EXOC2: variants seen among roughly 807,000 people sequenced by gnomAD.
EXOC2 encodes SEC5-like 1.
Under a neutral mutation model 131.8 loss-of-function variants are expected in EXOC2, and 70 were observed. The ratio of observed to expected loss-of-function variants is 0.53; its 90% CI spans 0.44 to 0.65. EXOC2 has a LOEUF of 0.65. Ranked by LOEUF, EXOC2 falls within the 30% of genes least tolerant of loss-of-function variation. EXOC2 has a pLI of 0.00. For synonymous variants in EXOC2, 411 were observed against 398.4 expected (o/e 1.03, Z -0.38); for missense variants, 923 against 1,108.6 (o/e 0.83, Z 2.38).
intron 2 of EXOC2, among the ~76,000 whole-genome samples, chr6:636,951 C>A (rs1438738233): frequency 6.6e-6 from 1 of 152,118 alleles, no homozygotes; most frequent in African/African-American, 2.4e-5. Flanking sequence ...GTTTAAAGTT[C>A]TAGAGAGATT....
chr6:675,868 C>A (rs550907822), intron 1 of EXOC2, among the ~76,000 whole-genome samples: 3 of 51,102 alleles, frequency 5.9e-5, no homozygotes, highest in Non-Finnish European at 8.8e-5. Flanking sequence ...CTGGAGACTG[C>A]GGTTCCCCAT....
chr6:571,830 C>T (rs530108871), intron 13 of EXOC2, among the ~76,000 whole-genome samples: 2 of 152,260 alleles, frequency 1.3e-5, no homozygotes, highest in East Asian at 1.9e-4. Flanking sequence ...GGACAAAGGG[C>T]GTTAGAATCT....
At chr6:606,984 G>A (rs138767630) in intron 7 of EXOC2, among the ~76,000 whole-genome samples, 1 of 152,360 alleles carries the variant, frequency 6.6e-6, no homozygotes, top group East Asian at 1.9e-4. Flanking sequence ...ACACTTTGCT[G>A]TCTGCTGAGA....
At chr6:558,481 T>A (rs1229138745) in intron 17 of EXOC2, among the ~76,000 whole-genome samples, 1 of 152,196 alleles carries the variant, frequency 6.6e-6, no homozygotes, top group Non-Finnish European at 1.5e-5. Context: ...ACTATAATAT[T>A]GACAATCGAA....
chr6:628,807 C>T (rs937957096), intron 4 of EXOC2, among the ~76,000 whole-genome samples: 1 of 151,904 alleles, frequency 6.6e-6, no homozygotes, highest in South Asian at 2.1e-4. Context: ...CAACTGTTAC[C>T]ATTATTTTCT....
rs189203234 is a variant in EXOC2 at position 606,638 on chromosome 6, T to A, written c.742+3460A>T. 3.5e-4 allele frequency among the ~76,000 whole-genome samples: 53 copies of A among 152,372 alleles called. 1 individual carries two copies. The East Asian group carries it at 7.7e-3, about 22-fold the overall frequency. ...TGAATCAACTTCTGATATTTTTTCC[T>A]TTGCACCGTCCACATCATGAAACAT... On this transcript the variant is annotated intron_variant, in intron 7 of 27. Transcript: ENST00000230449.
chr6:656,965 TG>T (rs1302218597), intron 1 of EXOC2: 2 of 1,499,746 alleles, frequency 1.3e-6, no homozygotes, highest in Non-Finnish European at 1.8e-6. Flanking sequence ...GGAAGGCAGC[TG>T]GGGGCCTCTG....
chr6:613,711 C>T (rs987099479), intron 6 of EXOC2, among the ~76,000 whole-genome samples: 1 of 152,152 alleles, frequency 6.6e-6, no homozygotes, highest in Non-Finnish European at 1.5e-5. Context: ...GAGGCATCCA[C>T]TGCTGGTCAA....
chr6:553,987 T>C (rs1757284996), intron 20 of EXOC2, 67 bp from the exon 21 acceptor site: 1 of 1,232,398 alleles, frequency 8.1e-7, no homozygotes, highest in South Asian at 1.2e-5. Context: ...CAATGAACTA[T>C]ACGCAAATTT....
chr6:671,280 C>G (rs914112639), intron 1 of EXOC2, among the ~76,000 whole-genome samples: 1 of 151,366 alleles, frequency 6.6e-6, no homozygotes, highest in Admixed American at 6.6e-5. Flanking sequence ...TCACTTGAAC[C>G]TGGGAGGTGG....
intron 6 of EXOC2, among the ~76,000 whole-genome samples, chr6:610,637 A>G (rs1179465781): frequency 1.3e-5 from 2 of 152,248 alleles, no homozygotes; most frequent in Non-Finnish European, 2.9e-5. Context: ...ATATTTAAAA[A>G]TCTGAAAAAA....
At chr6:627,628 C>A (rs969224001) in intron 4 of EXOC2, among the ~76,000 whole-genome samples, 1 of 152,152 alleles carries the variant, frequency 6.6e-6, no homozygotes, top group African/African-American at 2.4e-5. Flanking sequence ...TCCTCCGAGA[C>A]GGAGTGACGG....
intron 1 of EXOC2, chr6:656,637 T>G: frequency 6.2e-7 from 1 of 1,606,790 alleles, no homozygotes; most frequent in Non-Finnish European, 8.5e-7. Flanking sequence ...GTGGGTCAGC[T>G]GCAGCTTCAG....
chr6:582,601 C>T (rs923450838), intron 11 of EXOC2, among the ~76,000 whole-genome samples: 1 of 146,086 alleles, frequency 6.8e-6, no homozygotes. Flanking sequence ...GCGCACCACA[C>T]ACAAGAATTT....
At chr6:585,262 T>A (rs1759140913) in intron 11 of EXOC2, among the ~76,000 whole-genome samples, 1 of 152,196 alleles carries the variant, frequency 6.6e-6, no homozygotes, top group South Asian at 2.1e-4. Flanking sequence ...CCCATCTTTT[T>A]CCACCCTTAG....
chr6:592,312 G>T (rs1759583761), intron 11 of EXOC2, among the ~76,000 whole-genome samples, 157 bp downstream of exon 11: 1 of 151,918 alleles, frequency 6.6e-6, no homozygotes, highest in Non-Finnish European at 1.5e-5. Flanking sequence ...TTAGTACAAT[G>T]CTAACCAGTG....
chr6:625,069 A>G (rs1761487339), intron 4 of EXOC2, among the ~76,000 whole-genome samples: 1 of 152,264 alleles, frequency 6.6e-6, no homozygotes, highest in South Asian at 2.1e-4. Context: ...CACCCTGAAC[A>G]GATATGTTTT....
At chr6:660,958 A>T (rs1411082965) in intron 1 of EXOC2, among the ~76,000 whole-genome samples, 4 of 152,220 alleles carry the variant, frequency 2.6e-5, no homozygotes, top group African/African-American at 9.6e-5. Flanking sequence ...TAAAGAAAAA[A>T]CAATCAAAAA....
intron 13 of EXOC2, among the ~76,000 whole-genome samples, chr6:565,230 C>T (rs1052916753): frequency 3.9e-5 from 6 of 152,202 alleles, no homozygotes; most frequent in Non-Finnish European, 5.9e-5. Flanking sequence ...CCAACGATGT[C>T]GTATGGTTAA....
Sources: allele counts gnomAD v4.1 joint callset (sites outside exome capture counted in the v4.1 genomes callset), GRCh38; gene constraint gnomAD v4.1.1; transcripts MANE v1.5; gene names NCBI Gene and HGNC (gene_info 2026-07-23, HGNC 2026-07-21).